Variants in FSTL5 observed in about 807,000 individuals in gnomAD.
FSTL5 encodes the protein follistatin-related protein 5.
A neutral mutation model predicts 89.1 loss-of-function variants in FSTL5; 62 were observed. The observed-to-expected ratio is 0.70, with a 90% CI of 0.57 to 0.86. The LOEUF is 0.86. Ranked by LOEUF, FSTL5 falls within the 40% of genes least tolerant of loss-of-function variation. The pLI, the probability that FSTL5 is intolerant of heterozygous loss-of-function variation, is 0.00. For missense variants in FSTL5, 1,057 were observed against 1,001.6 expected, an observed-to-expected ratio of 1.06 and a Z score of -0.75; for synonymous variants, 383 against 346.2, an observed-to-expected ratio of 1.11 and a Z score of -1.18.
At chr4:162,139,591 G>A (rs1732648714) in intron 1 of FSTL5, among the ~76,000 whole-genome samples, 1 of 151,954 alleles carries the variant, frequency 6.6e-6, no homozygotes, top group South Asian at 2.1e-4. Context: ...GATGAATTAT[G>A]TGATTGACAA....
chr4:162,139,010 A>G (rs906109692), intron 1 of FSTL5, among the ~76,000 whole-genome samples: 5 of 152,112 alleles, frequency 3.3e-5, no homozygotes, highest in Non-Finnish European at 7.4e-5. Flanking sequence ...TATTCCTCAA[A>G]CTGAGTTATA....
chr4:162,129,090 G>A (rs11731051), intron 1 of FSTL5, among the ~76,000 whole-genome samples: 14,730 of 151,944 alleles, frequency 0.097, 1,022 homozygotes, highest in African/African-American at 0.19. Flanking sequence ...CCACCACCAC[G>A]CCCAGCTAAT....
Position 161,526,587 on chromosome 4 carries a change from G to A in FSTL5, c.1312+11579C>T, listed in dbSNP as rs541282547. ...GGGTTTTTATGGTTTTAGGTCTAAC[G>A]TTTAAGTCTTTAATCCATCTTGAAT... On this transcript the variant is annotated intron_variant, in intron 10 of 15. Transcript: ENST00000306100. Among the ~76,000 whole-genome samples the A allele has an allele frequency of 1.2e-3, 188 of 152,182 alleles. 1 individual carries two copies. Among genetic ancestry groups the A allele is most frequent in the African/African-American group, 4.2e-3 (176 of 41,556 alleles).
At chr4:162,008,529 A>C (rs1408925477) in intron 3 of FSTL5, among the ~76,000 whole-genome samples, 2 of 151,858 alleles carry the variant, frequency 1.3e-5, no homozygotes, top group East Asian at 1.9e-4. Flanking sequence ...ATGGTCTAAA[A>C]CTCATGCACC....
intron 12 of FSTL5, among the ~76,000 whole-genome samples, chr4:161,498,021 C>T (rs939681437): frequency 2.6e-5 from 4 of 151,446 alleles, no homozygotes; most frequent in African/African-American, 9.7e-5. Flanking sequence ...TATATGTATA[C>T]ATAGAGACCT....
chr4:161,609,880 T>C (rs1734579207), intron 7 of FSTL5, among the ~76,000 whole-genome samples: 1 of 152,128 alleles, frequency 6.6e-6, no homozygotes, highest in South Asian at 2.1e-4. Flanking sequence ...GCTACACATA[T>C]ATTCTCGTAA....
chr4:161,585,822 T>C (rs1256372359), intron 8 of FSTL5, among the ~76,000 whole-genome samples: 1 of 152,152 alleles, frequency 6.6e-6, no homozygotes, highest in Non-Finnish European at 1.5e-5. Flanking sequence ...CCTCTCAAGA[T>C]TGTGTATCAG....
At chr4:161,428,664 G>A (rs1022938158) in intron 15 of FSTL5, among the ~76,000 whole-genome samples, 1 of 151,972 alleles carries the variant, frequency 6.6e-6, no homozygotes, top group African/African-American at 2.4e-5. Context: ...CGCAGTCTGG[G>A]CAAGACTCAT....
At chr4:161,705,450 G>A (rs1295381642) in intron 6 of FSTL5, among the ~76,000 whole-genome samples, 1 of 152,088 alleles carries the variant, frequency 6.6e-6, no homozygotes, top group Non-Finnish European at 1.5e-5. Flanking sequence ...GGAAAAATAT[G>A]TCCTTAGTGC....
rs1189892651 is a variant in FSTL5, at chr4:161,587,499, T to C, written c.971A>G (p.Asp324Gly). The change falls in exon 8 of 16, where the codon GAT becomes GGT. Residue 324 changes from aspartate (D) to glycine (G), a missense_variant. By Grantham distance (94) the Asp-to-Gly change is moderately conservative. Transcript: ENST00000306100. ...THVGNYTCYA[D>G]GYEQVYQTHI... ...AGTCTGATAGACTTGTTCATAGCCA[T>C]CTGCATAGCAGGTGTAATTGCCAAC... is the stretch of plus-strand genomic sequence containing the variant. The C allele has an allele frequency of 6.2e-7, 1 of 1,612,960 alleles. No individual in the cohort carries two copies. The highest frequency in any genetic ancestry group is 8.5e-7 in the Non-Finnish European group (1 of 1,179,102).
intron 3 of FSTL5, among the ~76,000 whole-genome samples, chr4:161,995,464 T>C (rs1028701424): frequency 6.6e-6 from 1 of 152,138 alleles, no homozygotes. Flanking sequence ...ATGTATTACC[T>C]ATACCCTTTG....
At chr4:162,048,667 T>C (rs1560991282) in intron 2 of FSTL5, among the ~76,000 whole-genome samples, 1 of 152,018 alleles carries the variant, frequency 6.6e-6, no homozygotes, top group Non-Finnish European at 1.5e-5. Context: ...TATATTATTA[T>C]TCCAGAGCTT....
chr4:162,143,035 A>G (rs1032100789), intron 1 of FSTL5, among the ~76,000 whole-genome samples: 1 of 152,190 alleles, frequency 6.6e-6, no homozygotes, highest in East Asian at 1.9e-4. Context: ...TCTGATTGTC[A>G]TCATCATTTA....
At chr4:161,527,348 T>C (rs549769266) in intron 10 of FSTL5, among the ~76,000 whole-genome samples, 2 of 152,038 alleles carry the variant, frequency 1.3e-5, no homozygotes, top group East Asian at 3.9e-4. Flanking sequence ...ACCATCAGAG[T>C]GAACAGGCAA....
chr4:161,580,563 A>T (rs1398783630), intron 8 of FSTL5, among the ~76,000 whole-genome samples: 4 of 152,172 alleles, frequency 2.6e-5, no homozygotes, highest in Non-Finnish European at 5.9e-5. Flanking sequence ...AACTATGGAA[A>T]AAAAGGAATG....
chr4:161,703,431 G>A (rs187919252), intron 6 of FSTL5, among the ~76,000 whole-genome samples: 86 of 152,112 alleles, frequency 5.7e-4, no homozygotes, highest in African/African-American at 2.0e-3. Flanking sequence ...TGTTCCTGGT[G>A]GTCTTTAAGT....
At chr4:161,407,614 A>T (rs1731431359) in intron 15 of FSTL5, among the ~76,000 whole-genome samples, 1 of 123,516 alleles carries the variant, frequency 8.1e-6, no homozygotes, top group Non-Finnish European at 1.9e-5. Flanking sequence ...CTCCCTGGAG[A>T]TTAGATGGGG....
chr4:161,453,204 C>T (rs989432309), intron 15 of FSTL5, among the ~76,000 whole-genome samples: 1 of 152,046 alleles, frequency 6.6e-6, no homozygotes, highest in Non-Finnish European at 1.5e-5. Flanking sequence ...TAAAATTTTT[C>T]TCAAAGAAAT....
At chr4:161,828,590 G>T (rs1399058664) in intron 4 of FSTL5, among the ~76,000 whole-genome samples, 2 of 152,016 alleles carry the variant, frequency 1.3e-5, no homozygotes, top group Admixed American at 6.6e-5. Context: ...TTAGGAAAAT[G>T]TCATTGATGT....
Sources: allele counts gnomAD v4.1 joint callset (sites outside exome capture counted in the v4.1 genomes callset), GRCh38; gene constraint gnomAD v4.1.1; transcripts MANE v1.5; gene names NCBI Gene and HGNC (gene_info 2026-07-23, HGNC 2026-07-21).